Variants in ASTN2 observed in about 807,000 individuals in gnomAD.
ASTN2 encodes astrotactin-2.
In ASTN2, 54 loss-of-function variants were observed where a neutral mutation model predicts 139.8. The ratio of observed to expected loss-of-function variants is 0.39; its 90% confidence interval spans 0.31 to 0.48. ASTN2 has a LOEUF of 0.48. Among genes scored for constraint, ASTN2 ranks in the 20% least tolerant of loss-of-function variants. ASTN2 has a pLI of 0.95. For synonymous variants in ASTN2, 756 were observed against 719.5 expected, an observed-to-expected ratio of 1.05 and a Z score of -0.81; for missense variants, 1,565 against 1,725.1, an observed-to-expected ratio of 0.91 and a Z score of 1.64.
chr9:117,077,823 C>T (rs918585128), intron 5 of ASTN2, among the ~76,000 whole-genome samples: 3 of 152,074 alleles, frequency 2.0e-5, no homozygotes, highest in Non-Finnish European at 4.4e-5. Context: ...CTGCTAAGGA[C>T]CTTAAAGGAA....
intron 12 of ASTN2, among the ~76,000 whole-genome samples, chr9:116,808,278 TG>T (rs1831080301): frequency 9.6e-4 from 5 of 5,218 alleles, no homozygotes; most frequent in Admixed American, 6.5e-3. Flanking sequence ...AAATACATAT[TG>T]TGTGTGTGTG....
At chr9:116,957,494 G>T (rs1261515560) in intron 10 of ASTN2, among the ~76,000 whole-genome samples, 3 of 152,172 alleles carry the variant, frequency 2.0e-5, no homozygotes, top group African/African-American at 7.2e-5. Flanking sequence ...GCAAGAGAAA[G>T]TCCCAGCCCA....
chr9:116,510,478 A>G (rs1172097369), intron 19 of ASTN2, among the ~76,000 whole-genome samples: 3 of 152,026 alleles, frequency 2.0e-5, no homozygotes, highest in African/African-American at 4.8e-5. Context: ...TTGTCTTGGC[A>G]ATGTGGGCTC....
chr9:117,106,828 A>T (rs1829118513), intron 4 of ASTN2, among the ~76,000 whole-genome samples: 1 of 152,104 alleles, frequency 6.6e-6, no homozygotes, highest in Non-Finnish European at 1.5e-5. Context: ...CGATACATTT[A>T]TTTATGCTAG....
intron 20 of ASTN2, among the ~76,000 whole-genome samples, chr9:116,480,129 GAAGGAAGGAAGAAAGGGAGGAAGTGGGA>G (rs1849120451): frequency 6.6e-6 from 1 of 151,574 alleles, no homozygotes. Flanking sequence ...AGGAAGGAAA[GAAGGAAGGAAGAAAGGGAGGAAGTGGGA>G]AAGGAAGGAA....
chr9:117,405,711 C>T (rs1436630341), intron 1 of ASTN2, among the ~76,000 whole-genome samples: 2 of 152,136 alleles, frequency 1.3e-5, no homozygotes, highest in East Asian at 3.8e-4. Flanking sequence ...CTAAATTTTT[C>T]CATTTCTGAT....
At chr9:117,335,748 C>T (rs1828861540) in intron 1 of ASTN2, among the ~76,000 whole-genome samples, 1 of 151,746 alleles carries the variant, frequency 6.6e-6, no homozygotes, top group African/African-American at 2.4e-5. Context: ...ATTACCCCAT[C>T]TAATAACATA....
intron 5 of ASTN2, among the ~76,000 whole-genome samples, chr9:117,094,796 A>G (rs1271735937): frequency 6.6e-6 from 1 of 152,216 alleles, no homozygotes; most frequent in Non-Finnish European, 1.5e-5. Context: ...TGCTTTTAGC[A>G]TACACCAGAC....
At chr9:117,404,056 G>A (rs1830914100) in intron 1 of ASTN2, among the ~76,000 whole-genome samples, 1 of 152,152 alleles carries the variant, frequency 6.6e-6, no homozygotes, top group African/African-American at 2.4e-5. Context: ...TGGCGAAGAG[G>A]CACAGAGCCC....
At chr9:116,889,233 A>T (rs1833696552) in intron 10 of ASTN2, among the ~76,000 whole-genome samples, 2 of 152,120 alleles carry the variant, frequency 1.3e-5, no homozygotes, top group South Asian at 4.2e-4. Flanking sequence ...AAAAAAGAAG[A>T]GGAAAAAAGA....
chr9:117,181,105 A>G, intron 3 of ASTN2: 1 of 964,588 alleles, frequency 1.0e-6, no homozygotes, highest in Non-Finnish European at 1.7e-6. Context: ...CATACAACAA[A>G]CAGGCTGCAT....
At chr9:116,637,959 TAAA>T (rs1012131144) in intron 17 of ASTN2, among the ~76,000 whole-genome samples, 3 of 151,980 alleles carry the variant, frequency 2.0e-5, no homozygotes, top group Non-Finnish European at 4.4e-5. Flanking sequence ...CATACATACA[TAAA>T]GAAGGATGTT....
intron 16 of ASTN2, among the ~76,000 whole-genome samples, chr9:116,710,775 A>G (rs1239797313): frequency 6.6e-6 from 1 of 151,878 alleles, no homozygotes; most frequent in African/African-American, 2.4e-5. Context: ...AAAAAGAAAG[A>G]AAATTTTGTA....
chr9:116,767,954 T>C (rs1829853145), intron 13 of ASTN2, among the ~76,000 whole-genome samples: 1 of 152,194 alleles, frequency 6.6e-6, no homozygotes, highest in Non-Finnish European at 1.5e-5. Context: ...TCTAGTTATC[T>C]TTTCAAGACA....
At chr9:116,451,738 G>A (rs1174240652) in intron 20 of ASTN2, among the ~76,000 whole-genome samples, 1 of 151,684 alleles carries the variant, frequency 6.6e-6, no homozygotes, top group South Asian at 2.1e-4. Context: ...TTTTTTGTAC[G>A]AAAAAATGAT....
At chr9:117,227,357 TGTAGGGCC>T (rs1832748853) in intron 2 of ASTN2, among the ~76,000 whole-genome samples, 1 of 152,240 alleles carries the variant, frequency 6.6e-6, no homozygotes, top group South Asian at 2.1e-4. Flanking sequence ...GCTTCCATAA[TGTAGGGCC>T]TTTTGTTTTG....
chr9:117,214,391 G>T lies in ASTN2; in HGVS notation c.982C>A (p.Pro328Thr), dbSNP rs1253322614. ...VTHTLDSLGH[P>T]GEEKVDFEKK... ...TCAAAGTCCACCTTCTCTTCCCCTGGATGTCCCAGACTGTCCAGAGTGTGG... is the reference window on the plus strand; with the variant it reads ...TCAAAGTCCACCTTCTCTTCCCCTGTATGTCCCAGACTGTCCAGAGTGTGG... The change falls in exon 3 of 23, where the codon CCA (proline) becomes ACA (threonine). Residue 328 changes from proline (P) to threonine (T), a missense_variant. By Grantham distance (38) the Pro-to-Thr change is conservative. Coordinates refer to ENST00000313400, the MANE Select transcript of ASTN2 (RefSeq NM_001365068.1). 6.3e-7 allele frequency: 1 copy of T among 1,594,886 alleles called. No individual in the cohort carries two copies.
At position 117,002,239 on chromosome 9, in the gene ASTN2, C is replaced by A. The variant is rs141421601; in HGVS notation, c.1591+5853G>T. 5.8e-4 allele frequency among the ~76,000 whole-genome samples: 89 copies of A among 152,228 alleles called. 1 individual carries two copies. The highest frequency in any genetic ancestry group is 5.6e-3 in the East Asian group (29 of 5,170). On this transcript the variant is annotated intron_variant, in intron 7 of 22. Coordinates refer to ENST00000313400, the MANE Select transcript of ASTN2 (RefSeq NM_001365068.1). ...TTCAAACAGTAACTCAAGTTTTAAT[C>A]TGGTTTTTAGTCAACAAAGAACTCT...
At chr9:116,848,632 C>T (rs1201916815) in intron 11 of ASTN2, among the ~76,000 whole-genome samples, 1 of 152,198 alleles carries the variant, frequency 6.6e-6, no homozygotes, top group Admixed American at 6.5e-5. Flanking sequence ...CCTCATACAA[C>T]AACCATGTAA....
Sources: gnomAD v4.1 joint callset for allele counts (sites outside exome capture counted in the v4.1 genomes callset) on GRCh38, gnomAD v4.1.1 for gene constraint, MANE v1.5 for transcripts, NCBI Gene and HGNC (gene_info 2026-07-23, HGNC 2026-07-21) for gene names.